The following DLGAP2 variants were observed in gnomAD, a reference collection of about 807,000 sequenced individuals.
The protein encoded by DLGAP2 is DLG associated protein 2.
A neutral mutation model predicts 100.3 loss-of-function variants in DLGAP2; 26 were observed. The observed-to-expected ratio is 0.26, with a 90% confidence interval of 0.19 to 0.36. DLGAP2 has a LOEUF of 0.36. DLGAP2 is among the 10% of genes least tolerant of loss of function. The pLI is 1.00. For synonymous variants in DLGAP2, 886 were observed against 630.1 expected, an observed-to-expected ratio of 1.41 and a Z score of -6.08; for missense variants, 1,858 against 1,453.2, an observed-to-expected ratio of 1.28 and a Z score of -4.53.
At chr8:1,495,917 C>A (rs1329007057) in intron 3 of DLGAP2, among the ~76,000 whole-genome samples, 1 of 152,176 alleles carries the variant, frequency 6.6e-6, no homozygotes, top group Non-Finnish European at 1.5e-5. Context: ...CCCAGCCTGT[C>A]CCGAGAGCCT....
At chr8:1,594,428 C>T (rs1584968146) in intron 6 of DLGAP2, among the ~76,000 whole-genome samples, 1 of 151,930 alleles carries the variant, frequency 6.6e-6, no homozygotes, top group East Asian at 1.9e-4. Context: ...AATTATGGAG[C>T]TGAAGAACAT....
In DLGAP2 at chr8:1,118,090, A is replaced by G. The variant is rs535399823; in HGVS notation, c.74-140761A>G. ...ACCTGAATGCTGTACCTCAGCTCCC[A>G]AAAGCATTGCATGTCAGTTGACAGA... is the stretch of plus-strand genomic sequence containing the variant. On this transcript the variant is annotated intron_variant, in intron 2 of 14. Coordinates refer to ENST00000637795, the MANE Select transcript of DLGAP2 (RefSeq NM_001346810.2). Among the ~76,000 whole-genome samples, 89 of 152,356 alleles carry G rather than the reference A, an allele frequency of 5.8e-4. 1 individual carries two copies. In the South Asian group the frequency reaches 9.7e-3, roughly 17 times the overall value.
At position 1,389,779 on chromosome 8, in the gene DLGAP2, C is replaced by T. The variant is rs545194881; in HGVS notation, c.107-111587C>T. On this transcript the variant is annotated intron_variant, in intron 3 of 14. Transcript: ENST00000637795. ...AGCTGGGGACCTACAGGTACAACCC[C>T]GGGCGGAGACCCAGAGCGAGCCTTC... 4.6e-5 allele frequency among the ~76,000 whole-genome samples: 7 copies of T among 152,206 alleles called. No individual in the cohort carries two copies. The East Asian group carries it at 5.8e-4, about 13-fold the overall frequency.
At chr8:1,271,045 C>T (rs373376862) in intron 3 of DLGAP2, among the ~76,000 whole-genome samples, 3 of 152,072 alleles carry the variant, frequency 2.0e-5, no homozygotes, top group Non-Finnish European at 4.4e-5. Context: ...CCTAATATTG[C>T]AATTCTCAAA....
At chr8:1,137,806 C>CT (rs1796449116) in intron 2 of DLGAP2, 2 of 151,952 alleles carry the variant, frequency 1.3e-5, no homozygotes, top group African/African-American at 4.8e-5. Context: ...TATTTTTTTT[C>CT]TTTTAAGACA....
chr8:1,008,312 G>T (rs940060153), intron 2 of DLGAP2, among the ~76,000 whole-genome samples: 3 of 152,178 alleles, frequency 2.0e-5, no homozygotes, highest in Admixed American at 2.0e-4. Context: ...TTTCAGCTTT[G>T]TTTACCTTCC....
At chr8:874,316 T>A (rs969726887) in intron 1 of DLGAP2, among the ~76,000 whole-genome samples, 1 of 152,200 alleles carries the variant, frequency 6.6e-6, no homozygotes, top group Non-Finnish European at 1.5e-5. Context: ...GAGGTCTTTC[T>A]TTTTCCTTCA....
At position 1,506,143 on chromosome 8, in the gene DLGAP2, CA is replaced by C. The variant is rs150806068; in HGVS notation, c.172+4713del. Among the ~76,000 whole-genome samples, 149 of 152,330 alleles carry C rather than the reference CA, an allele frequency of 9.8e-4. 1 individual carries two copies. The East Asian group carries it at 0.013, about 13-fold the overall frequency. Reference sequence around the variant, plus strand: ...GCTAGCATAGCTTTAATCATCTCCACAGCATTTAAGTGCACCAATGTCTCAT... The same window carrying C: ...GCTAGCATAGCTTTAATCATCTCCACGCATTTAAGTGCACCAATGTCTCAT... On this transcript the variant is annotated intron_variant, in intron 4 of 14. Coordinates refer to ENST00000637795, the MANE Select transcript of DLGAP2 (RefSeq NM_001346810.2).
chr8:1,061,863 T>G (rs1489703979), intron 2 of DLGAP2, among the ~76,000 whole-genome samples: 1 of 152,006 alleles, frequency 6.6e-6, no homozygotes, highest in Non-Finnish European at 1.5e-5. Flanking sequence ...AGCTGCTCTG[T>G]GTGGACGGGG....
rs527922764 is a variant in DLGAP2 at position 1,515,983 on chromosome 8, C to T, written c.172+14552C>T. ...AGTGAGTGAATGACTGGATGAGTGA[C>T]TGAGTTACTGAGTGAGAATGAGTGA... On this transcript the variant is annotated intron_variant, in intron 4 of 14. Transcript: ENST00000637795. Among the ~76,000 whole-genome samples, 134 of 151,712 alleles carry T rather than the reference C, an allele frequency of 8.8e-4. 1 individual carries two copies. The highest frequency in any genetic ancestry group is 6.9e-3 in the Middle Eastern group (2 of 290).
At chr8:1,267,594 AAG>A (rs1260007153) in intron 3 of DLGAP2, among the ~76,000 whole-genome samples, 3 of 51,584 alleles carry the variant, frequency 5.8e-5, no homozygotes, top group African/African-American at 2.5e-4. Context: ...AAAATAAGAT[AAG>A]ATAAGATAAG....
chr8:1,417,797 G>A (rs1470523492), intron 3 of DLGAP2, among the ~76,000 whole-genome samples: 1 of 151,014 alleles, frequency 6.6e-6, no homozygotes, highest in Non-Finnish European at 1.5e-5. Flanking sequence ...AGTGATCAAT[G>A]TCTCCACAAA....
intron 2 of DLGAP2, among the ~76,000 whole-genome samples, chr8:958,291 C>A (rs907860962): frequency 6.6e-6 from 1 of 152,140 alleles, no homozygotes; most frequent in Non-Finnish European, 1.5e-5. Context: ...TCGATCCATT[C>A]ATCTATTGAT....
At chr8:1,491,285 G>C (rs1255102521) in intron 3 of DLGAP2, among the ~76,000 whole-genome samples, 1 of 148,990 alleles carries the variant, frequency 6.7e-6, no homozygotes, top group African/African-American at 2.6e-5. Context: ...AGGAACTGCC[G>C]ATGCTGTGAG....
At chr8:1,388,203 C>A (rs1250787778) in intron 3 of DLGAP2, among the ~76,000 whole-genome samples, 1 of 122,934 alleles carries the variant, frequency 8.1e-6, no homozygotes, top group African/African-American at 3.1e-5. Flanking sequence ...GAGGCAGAGA[C>A]CGTGGATGAG....
chr8:1,048,930 A>C (rs893978980), intron 2 of DLGAP2, among the ~76,000 whole-genome samples: 37 of 152,196 alleles, frequency 2.4e-4, no homozygotes, highest in African/African-American at 8.9e-4. Context: ...GAACAGACTC[A>C]CGGGTAGAAA....
chr8:983,767 C>T (rs769287224), intron 2 of DLGAP2, among the ~76,000 whole-genome samples: 9 of 152,176 alleles, frequency 5.9e-5, no homozygotes, highest in Admixed American at 1.3e-4. Context: ...CGCAGCCTCC[C>T]GAGTAGCTGG....
intron 2 of DLGAP2, among the ~76,000 whole-genome samples, chr8:1,173,730 G>A (rs1050474961): frequency 2.1e-4 from 32 of 152,002 alleles, no homozygotes; most frequent in African/African-American, 5.3e-4. Context: ...TAAGCCCATC[G>A]GAAAAAGCAC....
chr8:747,169 CG>C (rs1820636665), intron 1 of DLGAP2, among the ~76,000 whole-genome samples: 1 of 151,936 alleles, frequency 6.6e-6, no homozygotes, highest in Non-Finnish European at 1.5e-5. Context: ...GAGGGGCTGC[CG>C]GGCACTGCCC....
Sources: allele counts gnomAD v4.1 joint callset (sites outside exome capture counted in the v4.1 genomes callset), GRCh38; gene constraint gnomAD v4.1.1; transcripts MANE v1.5; gene names NCBI Gene and HGNC (gene_info 2026-07-23, HGNC 2026-07-21).